ZNF385B: variants seen among roughly 807,000 people sequenced by gnomAD.
ZNF385B encodes the protein zinc finger protein 533.
A neutral mutation model predicts 39.2 loss-of-function variants in ZNF385B; 23 were observed. The ratio of observed to expected loss-of-function variants is 0.59; its 90% CI spans 0.42 to 0.83. The LOEUF (loss-of-function observed/expected upper bound fraction) is 0.83, where lower values mean the gene tolerates loss of function less well. Ranked by LOEUF, ZNF385B falls within the 40% of genes least tolerant of loss-of-function variation. The pLI is 0.00. For synonymous variants in ZNF385B, 205 were observed against 222.6 expected, an observed-to-expected ratio of 0.92 and a Z score of 0.70; for missense variants, 552 against 598.9, an observed-to-expected ratio of 0.92 and a Z score of 0.82.
intron 3 of ZNF385B, among the ~76,000 whole-genome samples, chr2:179,768,130 A>T (rs1703812915): frequency 6.6e-6 from 1 of 151,570 alleles, no homozygotes; most frequent in Non-Finnish European, 1.5e-5. Context: ...TTGTAATTTT[A>T]GTAGATACAG....
chr2:179,804,637 C>G (rs987441630), intron 1 of ZNF385B, among the ~76,000 whole-genome samples: 2 of 152,188 alleles, frequency 1.3e-5, no homozygotes, highest in African/African-American at 4.8e-5. Flanking sequence ...ATAGTAGTCT[C>G]TCCTTCACAG....
At chr2:179,619,233 A>G (rs544040376) in intron 3 of ZNF385B, among the ~76,000 whole-genome samples, 1 of 152,340 alleles carries the variant, frequency 6.6e-6, no homozygotes, top group African/African-American at 2.4e-5. Context: ...TGAATACTGA[A>G]AACACAGCAA....
At chr2:179,510,274 T>G (rs1416204327) in intron 5 of ZNF385B, among the ~76,000 whole-genome samples, 3 of 117,860 alleles carry the variant, frequency 2.5e-5, no homozygotes, top group Non-Finnish European at 5.6e-5. Context: ...CTATCTATCT[T>G]ATATGTTCAT....
chr2:179,600,709 T>G (rs1688344649), intron 3 of ZNF385B, among the ~76,000 whole-genome samples: 1 of 152,208 alleles, frequency 6.6e-6, no homozygotes, highest in South Asian at 2.1e-4. Context: ...AAAGTAATAG[T>G]CTTGCAATTA....
At chr2:179,460,123 A>C (rs576286611) in intron 6 of ZNF385B, among the ~76,000 whole-genome samples, 2 of 152,006 alleles carry the variant, frequency 1.3e-5, no homozygotes, top group Non-Finnish European at 2.9e-5. Context: ...AGAAAAGAAA[A>C]GAAAAAAAAA....
chr2:179,701,429 T>C (rs1200176974), intron 3 of ZNF385B, among the ~76,000 whole-genome samples: 2 of 152,210 alleles, frequency 1.3e-5, no homozygotes, highest in Non-Finnish European at 2.9e-5. Context: ...GAAACTAAAC[T>C]GTTCATCTTC....
At chr2:179,718,526 A>T (rs537814558) in intron 3 of ZNF385B, among the ~76,000 whole-genome samples, 1 of 148,092 alleles carries the variant, frequency 6.8e-6, no homozygotes, top group African/African-American at 2.4e-5. Flanking sequence ...ATATATTATC[A>T]TAAAGAGAGA....
chr2:179,839,232 G>A (rs923349861), intron 1 of ZNF385B, among the ~76,000 whole-genome samples: 2 of 152,206 alleles, frequency 1.3e-5, no homozygotes, highest in Non-Finnish European at 2.9e-5. Flanking sequence ...GCCATTACAT[G>A]ATTCCTGGGT....
intron 1 of ZNF385B, among the ~76,000 whole-genome samples, chr2:179,841,806 A>C (rs1708549192): frequency 6.6e-6 from 1 of 152,194 alleles, no homozygotes; most frequent in South Asian, 2.1e-4. Flanking sequence ...GAATCATTTG[A>C]GAAGATCCAG....
At chr2:179,696,030 T>C (rs1184194593) in intron 3 of ZNF385B, among the ~76,000 whole-genome samples, 8 of 152,224 alleles carry the variant, frequency 5.3e-5, no homozygotes, top group Non-Finnish European at 2.9e-5. Context: ...GACACTGTAT[T>C]AATCCATTTA....
At chr2:179,555,635 T>C (rs1418991053) in intron 3 of ZNF385B, among the ~76,000 whole-genome samples, 1 of 149,470 alleles carries the variant, frequency 6.7e-6, no homozygotes, top group Non-Finnish European at 1.5e-5. Flanking sequence ...GCTTTTTGAG[T>C]TCTTTTTTTT....
intron 4 of ZNF385B, among the ~76,000 whole-genome samples, chr2:179,525,176 T>C (rs2058811543): frequency 6.6e-6 from 1 of 151,754 alleles, no homozygotes; most frequent in Non-Finnish European, 1.5e-5. Context: ...CATGAGTGTA[T>C]TGCATCGCAC....
chr2:179,501,784 C>A (rs1312235715), intron 5 of ZNF385B, among the ~76,000 whole-genome samples: 1 of 152,098 alleles, frequency 6.6e-6, no homozygotes, highest in Non-Finnish European at 1.5e-5. Flanking sequence ...GGGATAGCTA[C>A]CCCATTCTCC....
chr2:179,853,659 TTTAATA>T (rs1684355055), intron 1 of ZNF385B, among the ~76,000 whole-genome samples: 1 of 152,226 alleles, frequency 6.6e-6, no homozygotes, highest in Admixed American at 6.5e-5. Context: ...CCTGCAAGTA[TTTAATA>T]TTAATAATTA....
chr2:179,728,675 A>G (rs1172246497), intron 3 of ZNF385B, among the ~76,000 whole-genome samples: 1 of 152,140 alleles, frequency 6.6e-6, no homozygotes, highest in Non-Finnish European at 1.5e-5. Context: ...TTCTTCCCAA[A>G]GGACTGATGT....
intron 1 of ZNF385B, among the ~76,000 whole-genome samples, chr2:179,806,801 T>C (rs1706379517): frequency 6.6e-6 from 1 of 152,178 alleles, no homozygotes; most frequent in Admixed American, 6.5e-5. Context: ...CTTAACCCAA[T>C]ACTATTATTG....
intron 3 of ZNF385B, among the ~76,000 whole-genome samples, chr2:179,557,235 T>C (rs1412447770): frequency 6.7e-6 from 1 of 149,412 alleles, no homozygotes; most frequent in Non-Finnish European, 1.5e-5. Context: ...GAATCATATA[T>C]TGTCATCATT....
intron 1 of ZNF385B, among the ~76,000 whole-genome samples, chr2:179,771,652 A>G (rs1180566199): frequency 6.6e-6 from 1 of 152,168 alleles, no homozygotes; most frequent in Non-Finnish European, 1.5e-5. Flanking sequence ...TATTCTTTAA[A>G]CCTAAGATAT....
At chr2:179,631,773 C>T (rs1328993421) in intron 3 of ZNF385B, among the ~76,000 whole-genome samples, 1 of 151,954 alleles carries the variant, frequency 6.6e-6, no homozygotes. Flanking sequence ...TTCAGGAGAC[C>T]CAGCTCATGT....
Sources: allele counts gnomAD v4.1 joint callset (sites outside exome capture counted in the v4.1 genomes callset), GRCh38; gene constraint gnomAD v4.1.1; transcripts MANE v1.5; gene names NCBI Gene and HGNC (gene_info 2026-07-23, HGNC 2026-07-21).